MAGI1: variants seen among roughly 807,000 people sequenced by gnomAD.
The protein encoded by MAGI1 is membrane-associated guanylate kinase, WW and PDZ domain-containing protein 1.
In MAGI1, 58 loss-of-function variants were observed where a neutral mutation model predicts 139.9. The observed-to-expected ratio is 0.41, with a 90% CI of 0.34 to 0.52. The LOEUF (loss-of-function observed/expected upper bound fraction) is 0.52, where lower values mean the gene tolerates loss of function less well. MAGI1 is among the 20% of genes least tolerant of loss of function. The pLI is 0.12. For synonymous variants in MAGI1, 812 were observed against 737.9 expected (o/e 1.10, Z -1.63); for missense variants, 1,874 against 1,901.6 (o/e 0.99, Z 0.27).
intron 2 of MAGI1, among the ~76,000 whole-genome samples, chr3:65,506,710 A>C (rs146444770): frequency 4.5e-4 from 69 of 152,294 alleles, no homozygotes; most frequent in African/African-American, 1.6e-3. Flanking sequence ...GAGGATCTCA[A>C]TTGCCCTAAT....
chr3:65,642,528 G>A (rs1453580869), intron 1 of MAGI1, among the ~76,000 whole-genome samples: 1 of 152,168 alleles, frequency 6.6e-6, no homozygotes, highest in African/African-American at 2.4e-5. Flanking sequence ...TAATGACTTA[G>A]CTAGACAGTC....
At position 65,429,680 on chromosome 3, in the gene MAGI1, T is replaced by A. The variant is rs375879494; in HGVS notation, c.2007A>T (p.Lys669Asn). The A allele has an allele frequency of 1.2e-6, 2 of 1,613,762 alleles. No homozygotes were observed. Among genetic ancestry groups the A allele is most frequent in the African/African-American group, 2.7e-5 (2 of 74,880 alleles). ...GGCACCTTGGGCTGTCAACAATCTG[T>A]TTCACTCTTTGGCCACCCCCACCAG... ...DSPGGGGQRV[K>N]QIVDSPRCRG... Residue 669 changes from lysine to asparagine, a missense_variant, in exon 12 of 23, where the codon AAA becomes AAT. Lys to Asn is a moderately conservative substitution (Grantham distance 94). Around this residue, in one of 5 missense-constraint regions of MAGI1, gnomAD observed 482 missense variants for 509.6 expected, o/e 0.95. Transcript: ENST00000402939.
At chr3:65,947,599 T>C (rs1055613723) in intron 1 of MAGI1, among the ~76,000 whole-genome samples, 4 of 152,180 alleles carry the variant, frequency 2.6e-5, no homozygotes, top group Admixed American at 1.3e-4. Context: ...AGTGAAAGCT[T>C]TAATCAGCAA....
intron 3 of MAGI1, among the ~76,000 whole-genome samples, chr3:65,489,572 T>C (rs911045707): frequency 1.3e-5 from 2 of 152,154 alleles, no homozygotes; most frequent in African/African-American, 4.8e-5. Flanking sequence ...TATATATTTA[T>C]ATACAGATAG....
intron 2 of MAGI1, among the ~76,000 whole-genome samples, chr3:65,565,614 TG>T (rs773342698): frequency 7.2e-4 from 110 of 152,164 alleles, no homozygotes; most frequent in Admixed American, 2.4e-3. Context: ...CCCAGCACTT[TG>T]GGAGGCTGAG....
chr3:65,926,767 G>A (rs1007780111), intron 1 of MAGI1, among the ~76,000 whole-genome samples: 1 of 152,180 alleles, frequency 6.6e-6, no homozygotes, highest in Non-Finnish European at 1.5e-5. Flanking sequence ...GGCTGAGGCA[G>A]ATGGATCACC....
chr3:65,902,184 C>A (rs915861569), intron 1 of MAGI1, among the ~76,000 whole-genome samples: 7 of 152,060 alleles, frequency 4.6e-5, no homozygotes, highest in South Asian at 4.1e-4. Context: ...TTTACAAATA[C>A]GAGGGAGACA....
intron 1 of MAGI1, among the ~76,000 whole-genome samples, chr3:66,013,691 G>A (rs1437547532): frequency 6.6e-6 from 1 of 151,104 alleles, no homozygotes. Flanking sequence ...AACCCAGGAC[G>A]TGAGGCTTGC....
chr3:65,724,238 T>C (rs1576893705), intron 1 of MAGI1, among the ~76,000 whole-genome samples: 1 of 152,338 alleles, frequency 6.6e-6, no homozygotes, highest in Middle Eastern at 3.4e-3. Context: ...CTAACAGAAA[T>C]GGTTACCACA....
At chr3:65,660,945 C>A (rs1308252733) in intron 1 of MAGI1, among the ~76,000 whole-genome samples, 1 of 152,176 alleles carries the variant, frequency 6.6e-6, no homozygotes, top group African/African-American at 2.4e-5. Flanking sequence ...ATACACTCAT[C>A]AAACTGACAC....
At chr3:65,445,363 T>C (rs1464670252) in intron 7 of MAGI1, among the ~76,000 whole-genome samples, 1 of 152,204 alleles carries the variant, frequency 6.6e-6, no homozygotes, top group African/African-American at 2.4e-5. Flanking sequence ...AAATGGCAGC[T>C]GTTCCAGGAA....
chr3:65,796,690 T>G (rs1055585524), intron 1 of MAGI1, among the ~76,000 whole-genome samples: 1 of 152,238 alleles, frequency 6.6e-6, no homozygotes, highest in Admixed American at 6.5e-5. Flanking sequence ...ATGCTATTCC[T>G]AATGCTCTAA....
intron 7 of MAGI1, among the ~76,000 whole-genome samples, chr3:65,444,373 C>A (rs565643888): frequency 9.2e-5 from 14 of 151,782 alleles, no homozygotes; most frequent in African/African-American, 3.4e-4. Flanking sequence ...GTTGGGAAAT[C>A]GAAGATTAAA....
Position 65,553,045 on chromosome 3 carries a change from T to C in MAGI1, c.431-59414A>G, listed in dbSNP as rs920078948. Among the ~76,000 whole-genome samples the C allele has an allele frequency of 2.6e-4, 39 of 152,146 alleles. 1 individual carries two copies. The highest frequency in any genetic ancestry group is 2.5e-3 in the Admixed American group (38 of 15,274). On this transcript the variant is annotated intron_variant, in intron 2 of 22. Transcript: ENST00000402939. Reference sequence around the variant, plus strand: ...TCCCCACTTCAAACATAAATAGCTATTCCTGATACTCAGATGAAAAAGAAA... The same window carrying C: ...TCCCCACTTCAAACATAAATAGCTACTCCTGATACTCAGATGAAAAAGAAA...
At chr3:65,696,693 A>AATAAC (rs1199612698) in intron 1 of MAGI1, among the ~76,000 whole-genome samples, 1 of 152,158 alleles carries the variant, frequency 6.6e-6, no homozygotes, top group East Asian at 1.9e-4. Flanking sequence ...AATAAAATAA[A>AATAAC]ATATACATTT....
At chr3:65,826,883 A>T (rs2042257379) in intron 1 of MAGI1, among the ~76,000 whole-genome samples, 1 of 152,204 alleles carries the variant, frequency 6.6e-6, no homozygotes, top group Admixed American at 6.5e-5. Flanking sequence ...GGAAGCCTTT[A>T]AAAATAAATA....
intron 1 of MAGI1, among the ~76,000 whole-genome samples, chr3:65,808,931 T>A (rs996870674): frequency 6.6e-6 from 1 of 152,180 alleles, no homozygotes; most frequent in Non-Finnish European, 1.5e-5. Flanking sequence ...TGTGTCTCCA[T>A]GGGTAATCTA....
chr3:65,862,161 G>T (rs1464147915), intron 1 of MAGI1, among the ~76,000 whole-genome samples: 1 of 152,188 alleles, frequency 6.6e-6, no homozygotes, highest in East Asian at 1.9e-4. Context: ...CTAGCAAGAG[G>T]CATTCATTAG....
intron 1 of MAGI1, among the ~76,000 whole-genome samples, chr3:65,741,515 T>C (rs752858450): frequency 6.6e-6 from 1 of 152,178 alleles, no homozygotes; most frequent in African/African-American, 2.4e-5. Context: ...ATGAGCACAT[T>C]TGATGAAATA....
Sources: allele counts gnomAD v4.1 joint callset (sites outside exome capture counted in the v4.1 genomes callset), GRCh38; gene constraint gnomAD v4.1.1; regional missense constraint gnomAD v4.1.1; transcripts MANE v1.5; gene names NCBI Gene and HGNC (gene_info 2026-07-23, HGNC 2026-07-21).